The following CDH12 variants were observed in gnomAD, a reference collection of about 807,000 sequenced individuals.
The protein encoded by CDH12 is cadherin-12.
CDH12 carries 41 observed loss-of-function variants against 74.1 expected under a neutral mutation model. The observed-to-expected ratio is 0.55, with a 90% CI of 0.43 to 0.72. The LOEUF (loss-of-function observed/expected upper bound fraction) is 0.72, where lower values mean the gene tolerates loss of function less well. Ranked by LOEUF, CDH12 falls within the 30% of genes least tolerant of loss-of-function variation. CDH12 has a pLI of 0.00. For synonymous variants in CDH12, 399 were observed against 355.0 expected, an observed-to-expected ratio of 1.12 and a Z score of -1.39; for missense variants, 945 against 977.2, an observed-to-expected ratio of 0.97 and a Z score of 0.44.
intron 2 of CDH12, among the ~76,000 whole-genome samples, chr5:22,427,324 C>T (rs1008975680): frequency 7.2e-5 from 11 of 152,154 alleles, no homozygotes; most frequent in Admixed American, 2.0e-4. Context: ...CGCACCACCA[C>T]GCCCGGCTAA....
rs951808005 is a variant in CDH12 at position 22,459,526 on chromosome 5, A to G, written c.-428+45744T>C. Among the ~76,000 whole-genome samples the G allele has an allele frequency of 2.0e-5, 3 of 152,350 alleles. No homozygotes were observed. The East Asian group carries it at 5.8e-4, about 29-fold the overall frequency. ...TAGGAGCTCTTAGTGAAGTTAGTTC[A>G]TATTTTTTGAAGGAGTGAATAAAAC... is the stretch of plus-strand genomic sequence containing the variant. On this transcript the variant is annotated intron_variant, in intron 2 of 14. Coordinates refer to ENST00000382254, the MANE Select transcript of CDH12 (RefSeq NM_004061.5).
intron 1 of CDH12, among the ~76,000 whole-genome samples, chr5:22,533,746 G>T (rs1269741173): frequency 6.6e-6 from 1 of 152,078 alleles, no homozygotes; most frequent in Non-Finnish European, 1.5e-5. Flanking sequence ...GAAAACTTCT[G>T]GGCTTTAAGG....
chr5:22,142,045 G>T (rs550536302), intron 4 of CDH12, among the ~76,000 whole-genome samples: 32 of 152,238 alleles, frequency 2.1e-4, no homozygotes, highest in African/African-American at 7.5e-4. Flanking sequence ...AGAAACTGAG[G>T]ATGGTGTTGC....
chr5:22,129,235 A>T (rs1746045217), intron 4 of CDH12, among the ~76,000 whole-genome samples: 2 of 152,226 alleles, frequency 1.3e-5, no homozygotes, highest in Non-Finnish European at 2.9e-5. Flanking sequence ...GTGTGACGGT[A>T]GCAAGTTATG....
chr5:22,111,021 C>T (rs1744782159), intron 4 of CDH12, among the ~76,000 whole-genome samples: 1 of 152,148 alleles, frequency 6.6e-6, no homozygotes, highest in Non-Finnish European at 1.5e-5. Context: ...GTTTCAGTGG[C>T]ATATTCTTAA....
Position 22,500,721 on chromosome 5 carries a change from G to A in CDH12, c.-428+4549C>T, listed in dbSNP as rs376090853. 3.0e-4 allele frequency among the ~76,000 whole-genome samples: 46 copies of A among 152,112 alleles called. No homozygotes were observed. The East Asian group carries it at 3.3e-3, about 11-fold the overall frequency. ...ACTTGGCTTTTCCATATTCCCTTAC[G>A]AGGTTAAGAAGATGAATGCTCATTG... On this transcript the variant is annotated intron_variant, in intron 2 of 14. Transcript: ENST00000382254.
At chr5:22,526,283 G>A (rs2126694528) in intron 1 of CDH12, among the ~76,000 whole-genome samples, 1 of 152,212 alleles carries the variant, frequency 6.6e-6, no homozygotes, top group African/African-American at 2.4e-5. Flanking sequence ...TCTTTCAATT[G>A]TAACACAGGT....
At chr5:21,865,512 G>A (rs1157638909) in intron 6 of CDH12, among the ~76,000 whole-genome samples, 1 of 152,102 alleles carries the variant, frequency 6.6e-6, no homozygotes, top group Non-Finnish European at 1.5e-5. Flanking sequence ...TGGTTTTCAT[G>A]GATAGATCCA....
At chr5:22,311,714 A>G (rs1270511183) in intron 3 of CDH12, among the ~76,000 whole-genome samples, 3 of 151,576 alleles carry the variant, frequency 2.0e-5, no homozygotes, top group African/African-American at 7.3e-5. Context: ...AAAAAAAAAA[A>G]AAAAAAAAAA....
chr5:22,385,536 C>G (rs189307532), intron 3 of CDH12, among the ~76,000 whole-genome samples: 27 of 152,226 alleles, frequency 1.8e-4, no homozygotes, highest in Admixed American at 3.3e-4. Context: ...AATCCATACA[C>G]GTTTTTCTCA....
At chr5:21,873,403 C>T (rs1245962452) in intron 6 of CDH12, among the ~76,000 whole-genome samples, 1 of 152,154 alleles carries the variant, frequency 6.6e-6, no homozygotes, top group Non-Finnish European at 1.5e-5. Flanking sequence ...AGAAAATTCT[C>T]TTGTACCCCC....
At chr5:22,635,811 G>A (rs916582453) in intron 1 of CDH12, among the ~76,000 whole-genome samples, 1 of 151,820 alleles carries the variant, frequency 6.6e-6, no homozygotes, top group African/African-American at 2.4e-5. Context: ...CTACTCAGGA[G>A]GATGAGGCAG....
chr5:22,736,158 G>A (rs1437953070), intron 1 of CDH12, among the ~76,000 whole-genome samples: 1 of 151,688 alleles, frequency 6.6e-6, no homozygotes, highest in African/African-American at 2.4e-5. Flanking sequence ...CATTTTGTAT[G>A]CAAGAATAAA....
chr5:22,021,798 T>C (rs992946026), intron 5 of CDH12, among the ~76,000 whole-genome samples: 8 of 152,174 alleles, frequency 5.3e-5, no homozygotes, highest in Non-Finnish European at 8.8e-5. Context: ...GGTTCTGTTA[T>C]TAGAGCAAGG....
At chr5:22,518,149 G>C (rs1736886161) in intron 1 of CDH12, among the ~76,000 whole-genome samples, 1 of 152,162 alleles carries the variant, frequency 6.6e-6, no homozygotes, top group Non-Finnish European at 1.5e-5. Flanking sequence ...GTAATTTATT[G>C]ATGAAGATCA....
At chr5:22,337,297 G>C (rs1369578929) in intron 3 of CDH12, among the ~76,000 whole-genome samples, 2 of 152,126 alleles carry the variant, frequency 1.3e-5, no homozygotes, top group African/African-American at 4.8e-5. Flanking sequence ...TTGATTTAAT[G>C]CTGAAATGAG....
At chr5:22,578,828 A>T (rs1284636939) in intron 1 of CDH12, among the ~76,000 whole-genome samples, 2 of 152,130 alleles carry the variant, frequency 1.3e-5, no homozygotes, top group Admixed American at 6.5e-5. Context: ...TGATCCGATC[A>T]TTCCAGTCTT....
At chr5:21,865,304 C>G (rs753614486) in intron 6 of CDH12, among the ~76,000 whole-genome samples, 4 of 152,060 alleles carry the variant, frequency 2.6e-5, no homozygotes, top group African/African-American at 7.2e-5. Context: ...TTTAGCCTAG[C>G]CATCTAATAA....
At chr5:22,039,944 C>G (rs920915824) in intron 5 of CDH12, among the ~76,000 whole-genome samples, 3 of 151,418 alleles carry the variant, frequency 2.0e-5, no homozygotes, top group Admixed American at 6.6e-5. Flanking sequence ...CAAGAGAACA[C>G]AAGAACCCTC....
Sources: gnomAD v4.1 joint callset for allele counts (sites outside exome capture counted in the v4.1 genomes callset) on GRCh38, gnomAD v4.1.1 for gene constraint, MANE v1.5 for transcripts, NCBI Gene and HGNC (gene_info 2026-07-23, HGNC 2026-07-21) for gene names.